The following SEMA3A variants were observed in gnomAD, a reference collection of about 807,000 sequenced individuals.
The protein encoded by SEMA3A is semaphorin 3A.
Under a neutral mutation model 97.9 loss-of-function variants are expected in SEMA3A, and 29 were observed. That is an observed-to-expected ratio of 0.30 (90% CI 0.22 to 0.40). The LOEUF (loss-of-function observed/expected upper bound fraction) is 0.40. SEMA3A is among the 10% of genes least tolerant of loss of function. The pLI is 1.00. For synonymous variants in SEMA3A, 321 were observed against 323.7 expected (o/e 0.99, Z 0.09); for missense variants, 763 against 951.3 (o/e 0.80, Z 2.60).
chr7:84,230,909 C>T (rs1282457255), intron 3 of SEMA3A, among the ~76,000 whole-genome samples: 1 of 151,896 alleles, frequency 6.6e-6, no homozygotes, highest in Non-Finnish European at 1.5e-5. Context: ...TCTAGCACTT[C>T]CCTGTTAGCA....
intron 4 of SEMA3A, among the ~76,000 whole-genome samples, chr7:84,091,246 G>GAAA (rs1583951248): frequency 1.2e-5 from 1 of 81,662 alleles, no homozygotes; most frequent in Non-Finnish European, 2.7e-5. Context: ...AAGGAAGGAA[G>GAAA]GAAAGAACGA....
At chr7:84,290,906 T>A (rs1800725824) in intron 3 of SEMA3A, among the ~76,000 whole-genome samples, 1 of 152,116 alleles carries the variant, frequency 6.6e-6, no homozygotes, top group Non-Finnish European at 1.5e-5. Context: ...AAGCATTATT[T>A]GTCTAATCAT....
At chr7:84,199,858 T>C (rs941090975), upstream of SEMA3A, among the ~76,000 whole-genome samples, 3 of 152,172 alleles carry the variant, frequency 2.0e-5, no homozygotes, top group African/African-American at 7.2e-5. Context: ...ATTTAGGAAC[T>C]ACTGTAGTTG....
intron 4 of SEMA3A, among the ~76,000 whole-genome samples, chr7:84,069,070 T>C (rs1793647688): frequency 6.6e-6 from 1 of 152,182 alleles, no homozygotes; most frequent in Non-Finnish European, 1.5e-5. Context: ...TTGAATTTCC[T>C]TTCCAGTCTA....
chr7:84,205,754 C>T (rs1798477341), intron 3 of SEMA3A, among the ~76,000 whole-genome samples: 1 of 152,136 alleles, frequency 6.6e-6, no homozygotes, highest in Non-Finnish European at 1.5e-5. Context: ...TGTTTTATAA[C>T]ACTATCCAGA....
intron 1 of SEMA3A, among the ~76,000 whole-genome samples, chr7:84,376,567 G>A (rs1294710985): frequency 1.1e-5 from 1 of 89,418 alleles, no homozygotes. Flanking sequence ...TCGCGCCACT[G>A]CACTCCAGCC....
At chr7:84,439,089 C>A (rs1415904265) in intron 1 of SEMA3A, among the ~76,000 whole-genome samples, 2 of 151,322 alleles carry the variant, frequency 1.3e-5, no homozygotes, top group Non-Finnish European at 2.9e-5. Flanking sequence ...GACTACTCTG[C>A]TAAATCTAGT....
intron 3 of SEMA3A, among the ~76,000 whole-genome samples, chr7:84,121,978 A>T (rs997821513): frequency 8.8e-5 from 12 of 135,908 alleles, no homozygotes; most frequent in Admixed American, 7.9e-5. Context: ...GCCTCAATAA[A>T]CATACATTTG....
chr7:84,281,641 T>C (rs1800441940), intron 3 of SEMA3A, among the ~76,000 whole-genome samples: 1 of 152,204 alleles, frequency 6.6e-6, no homozygotes, highest in South Asian at 2.1e-4. Context: ...TAGATTTTGA[T>C]ATTAGATAGT....
chr7:84,420,518 A>G (rs906541616), intron 1 of SEMA3A, among the ~76,000 whole-genome samples: 2 of 152,208 alleles, frequency 1.3e-5, no homozygotes, highest in East Asian at 3.9e-4. Context: ...AAAAACAGAA[A>G]GAATAATAAA....
At position 83,995,243 on chromosome 7, in the gene SEMA3A, T is replaced by C. The variant is rs576558515; in HGVS notation, c.1452+6712A>G. Reference sequence around the variant, plus strand: ...GCACTCCCTAGTGAGATGAACCCGGTACCTCAGATGGAAATGCAGAAATCA... The same window carrying C: ...GCACTCCCTAGTGAGATGAACCCGGCACCTCAGATGGAAATGCAGAAATCA... On this transcript the variant is annotated intron_variant, in intron 12 of 16. Transcript: ENST00000265362. Among the ~76,000 whole-genome samples the C allele has an allele frequency of 5.7e-4, 87 of 152,204 alleles. 1 individual carries two copies. In the South Asian group the frequency reaches 0.017, roughly 30 times the overall value.
At chr7:84,108,841 G>A (rs1383520661) in intron 4 of SEMA3A, among the ~76,000 whole-genome samples, 1 of 148,900 alleles carries the variant, frequency 6.7e-6, no homozygotes, top group East Asian at 2.0e-4. Context: ...GGAGGCAGAG[G>A]TTGCAGTGAG....
chr7:84,446,103 G>C (rs1196623677), intron 1 of SEMA3A, among the ~76,000 whole-genome samples: 2 of 152,100 alleles, frequency 1.3e-5, no homozygotes, highest in Non-Finnish European at 2.9e-5. Flanking sequence ...GAGTAACTTA[G>C]ATGAATTGGA....
chr7:84,392,023 A>G (rs1415465906), intron 1 of SEMA3A, among the ~76,000 whole-genome samples: 1 of 148,740 alleles, frequency 6.7e-6, no homozygotes, highest in African/African-American at 2.5e-5. Context: ...AAGTAATCTT[A>G]TAATTTTTGA....
rs536956624 is a variant in SEMA3A, at chr7:83,997,285, T to C, written c.1452+4670A>G. 5.9e-5 allele frequency among the ~76,000 whole-genome samples: 9 copies of C among 152,326 alleles called. No individual in the cohort carries two copies. In the East Asian group the frequency reaches 1.7e-3, roughly 29 times the overall value. On this transcript the variant is annotated intron_variant, in intron 12 of 16. Transcript: ENST00000265362. ...AAACTATCCCTGACCTTTTTTATAGTATTTTATTTTAAATGGATTGACTTA... is the reference window on the plus strand; with the variant it reads ...AAACTATCCCTGACCTTTTTTATAGCATTTTATTTTAAATGGATTGACTTA...
intron 1 of SEMA3A, among the ~76,000 whole-genome samples, chr7:84,174,513 T>C (rs925416884): frequency 5.3e-5 from 8 of 152,224 alleles, no homozygotes; most frequent in African/African-American, 1.7e-4. Flanking sequence ...TAATGGTTTA[T>C]ATACTGAAAC....
chr7:84,131,554 G>GTT (rs1562801235), intron 2 of SEMA3A, among the ~76,000 whole-genome samples: 1 of 152,038 alleles, frequency 6.6e-6, no homozygotes, highest in Non-Finnish European at 1.5e-5. Context: ...CTGAACATGT[G>GTT]TTTTTGCCTC....
chr7:83,971,985 CTGTG>C lies in SEMA3A; in HGVS notation c.1717+5143_1717+5146del, dbSNP rs10689027. 1.2e-3 allele frequency among the ~76,000 whole-genome samples: 185 copies of C among 150,082 alleles called. 1 individual carries two copies. The highest frequency in any genetic ancestry group is 1.7e-3 in the African/African-American group (68 of 40,874). On this transcript the variant is annotated intron_variant, in intron 15 of 16. Coordinates refer to ENST00000265362, the MANE Select transcript of SEMA3A (RefSeq NM_006080.3). ...AGATGTGAACTTAAAATTGGCTAGT[CTGTG>C]TGTGTGTGTGTGTGTACATATATAC...
chr7:84,162,877 C>T (rs1797082686), intron 1 of SEMA3A, among the ~76,000 whole-genome samples: 1 of 152,144 alleles, frequency 6.6e-6, no homozygotes, highest in African/African-American at 2.4e-5. Context: ...ATAGTTCATG[C>T]TAGCTGCATT....
Sources: allele counts gnomAD v4.1 joint callset (sites outside exome capture counted in the v4.1 genomes callset), GRCh38; gene constraint gnomAD v4.1.1; transcripts MANE v1.5; gene names NCBI Gene and HGNC (gene_info 2026-07-23, HGNC 2026-07-21).